Variants in STX3 observed in about 807,000 individuals in gnomAD.
STX3 encodes syntaxin 3, also known as syntaxin-3.
A neutral mutation model predicts 40.2 loss-of-function variants in STX3; 19 were observed. The observed-to-expected ratio is 0.47, with a 90% CI of 0.33 to 0.69. STX3 has a LOEUF of 0.69. Among genes scored for constraint, STX3 ranks in the 30% least tolerant of loss-of-function variants. The probability of loss-of-function intolerance (pLI) is 0.02; values close to 1 mark genes in which losing one functional copy is unlikely to be tolerated. For synonymous variants in STX3, 122 were observed against 132.2 expected (o/e 0.92, Z 0.53); for missense variants, 364 against 366.7 (o/e 0.99, Z 0.06).
At position 59,801,090 on chromosome 11, in the gene STX3, T is replaced by C. The variant is rs1044713568; in HGVS notation, c.*266T>C. The C allele has an allele frequency of 7.1e-7, 1 of 1,409,122 alleles. No individual in the cohort carries two copies. Among genetic ancestry groups the C allele is most frequent in the Non-Finnish European group, 9.2e-7 (1 of 1,083,294 alleles). 87.3% of individuals were successfully genotyped at this position (1,409,122 alleles called of 1,614,324 possible). ...CTCTCAAGTACCTTTTCTCCTGGAC[T>C]GTGTGGACCCACCCAGCTTTCTTCC... On this transcript the variant is annotated 3_prime_UTR_variant, in exon 11 of 11. Transcript: ENST00000337979.
At chr11:59,781,085 CTTT>C (rs67745750) in intron 2 of STX3, among the ~76,000 whole-genome samples, 5 of 116,056 alleles carry the variant, frequency 4.3e-5, no homozygotes, top group Admixed American at 1.8e-4. Flanking sequence ...CATTTGTTTT[CTTT>C]TTTTTTTTTT....
intron 1 of STX3, 33 bp downstream of exon 1, chr11:59,755,668 A>C: frequency 6.3e-7 from 1 of 1,588,884 alleles, no homozygotes; most frequent in Non-Finnish European, 8.5e-7. Context: ...TGCTGCCAGG[A>C]GGGGTGCTGC....
intron 1 of STX3, among the ~76,000 whole-genome samples, chr11:59,768,073 A>C (rs1417287174): frequency 6.6e-6 from 1 of 152,322 alleles, no homozygotes; most frequent in Non-Finnish European, 1.5e-5. Flanking sequence ...AAATATTATC[A>C]TATTGAATTC....
intron 1 of STX3, among the ~76,000 whole-genome samples, chr11:59,757,079 A>G (rs1255073464): frequency 1.3e-5 from 2 of 152,160 alleles, no homozygotes; most frequent in East Asian, 3.9e-4. Flanking sequence ...TAGTCATCTC[A>G]GCCTCACAGC....
At position 59,801,112 on chromosome 11, in the gene STX3, T is replaced by C. The variant is rs1269766268; in HGVS notation, c.*288T>C. 2.9e-6 allele frequency: 4 copies of C among 1,382,546 alleles called. No individual in the cohort carries two copies. Among genetic ancestry groups the C allele is most frequent in the Non-Finnish European group, 3.7e-6 (4 of 1,067,666 alleles). 85.6% of individuals were successfully genotyped at this position (1,382,546 alleles called of 1,614,324 possible). A position where few individuals can be genotyped will look rare whatever the true frequency, so the allele number is the denominator to read the frequency against. ...GACTGTGTGGACCCACCCAGCTTTC[T>C]TCCTCCCTGTTGTGTGTCAGATTAT... On this transcript the variant is annotated 3_prime_UTR_variant, in exon 11 of 11. Coordinates refer to ENST00000337979, the MANE Select transcript of STX3 (RefSeq NM_004177.5).
chr11:59,778,873 C>T (rs1274772114), intron 2 of STX3, among the ~76,000 whole-genome samples: 1 of 131,182 alleles, frequency 7.6e-6, no homozygotes, highest in Non-Finnish European at 1.6e-5. Context: ...TCGCTCTTGT[C>T]GCCCAGGCTG....
At chr11:59,785,407 C>T (rs780564228) in intron 2 of STX3, among the ~76,000 whole-genome samples, 11 of 152,172 alleles carry the variant, frequency 7.2e-5, no homozygotes, top group Non-Finnish European at 1.5e-4. Flanking sequence ...TCATGGCTCA[C>T]TGTGGCTTCA....
chr11:59,787,823 G>A (rs1051426892), intron 3 of STX3, among the ~76,000 whole-genome samples: 3 of 152,186 alleles, frequency 2.0e-5, no homozygotes, highest in Admixed American at 6.5e-5. Context: ...GTTTGGACAC[G>A]GGTGGTTTAG....
intron 1 of STX3, among the ~76,000 whole-genome samples, chr11:59,771,288 G>A (rs996173261): frequency 7.9e-6 from 1 of 126,760 alleles, no homozygotes; most frequent in Non-Finnish European, 1.6e-5. Flanking sequence ...TGAGGCAGGA[G>A]GATCACTTAG....
Position 59,803,100 on chromosome 11 carries a change from T to G in STX3, c.*2276T>G, listed in dbSNP as rs889090999. 5 of 1,228,392 alleles carry G rather than the reference T, an allele frequency of 4.1e-6. No individual in the cohort carries two copies. In the African/African-American group the frequency reaches 7.8e-5, roughly 19 times the overall value. 76.1% of individuals were successfully genotyped at this position (1,228,392 alleles called of 1,614,324 possible). ...GAAGCCAGATCCATCTCCTTTTTCC[T>G]TCTGTTGCTCTCTTCCTTCACACCC... On this transcript the variant is annotated 3_prime_UTR_variant, in exon 11 of 11. Transcript: ENST00000337979.
chr11:59,798,469 A>T (rs1865664165), intron 10 of STX3, among the ~76,000 whole-genome samples: 1 of 152,212 alleles, frequency 6.6e-6, no homozygotes, highest in African/African-American at 2.4e-5. Context: ...AGCTGGGATT[A>T]CAGGCGTGAG....
chr11:59,799,224 A>C (rs1399058515), intron 10 of STX3, among the ~76,000 whole-genome samples: 1 of 152,162 alleles, frequency 6.6e-6, no homozygotes, highest in Non-Finnish European at 1.5e-5. Flanking sequence ...AATAAAATAT[A>C]GCATGCATTG....
chr11:59,788,069 G>A (rs1414240352), intron 3 of STX3, among the ~76,000 whole-genome samples: 1 of 152,138 alleles, frequency 6.6e-6, no homozygotes, highest in East Asian at 1.9e-4. Flanking sequence ...GGCATTTCCT[G>A]TTCACTCATA....
At chr11:59,772,889 G>A (rs1019221116) in intron 1 of STX3, among the ~76,000 whole-genome samples, 9 of 151,578 alleles carry the variant, frequency 5.9e-5, no homozygotes, top group African/African-American at 2.2e-4. Flanking sequence ...GTTTTTATCA[G>A]CATTTAACAG....
intron 9 of STX3, 107 bp downstream of exon 9, chr11:59,795,589 C>A: frequency 1.3e-6 from 2 of 1,544,332 alleles, no homozygotes; most frequent in Non-Finnish European, 1.7e-6. Flanking sequence ...CCACCTCTTG[C>A]ATCTGGGGAA....
In STX3 at chr11:59,755,507, G is replaced by A. The variant is rs1332635793; in HGVS notation, c.-99G>A. 13 of 1,408,062 alleles carry A rather than the reference G, an allele frequency of 9.2e-6. No homozygotes were observed. In the Admixed American group the frequency reaches 2.0e-4, roughly 22 times the overall value. 87.2% of individuals were successfully genotyped at this position (1,408,062 alleles called of 1,614,324 possible). A position where few individuals can be genotyped will look rare whatever the true frequency, so the allele number is the denominator to read the frequency against. Reference sequence around the variant, plus strand: ...GCGCCTCCAGCTCCTTCGCCCCGGCGGGCCCGGCCGCCGCTTCCGGCAGCT... The same window carrying A: ...GCGCCTCCAGCTCCTTCGCCCCGGCAGGCCCGGCCGCCGCTTCCGGCAGCT... On this transcript the variant is annotated 5_prime_UTR_variant, in exon 1 of 11. Transcript: ENST00000337979.
At position 59,755,530 on chromosome 11, in the gene STX3, G is replaced by T; in HGVS notation, c.-76G>T. 2.7e-6 allele frequency: 4 copies of T among 1,506,000 alleles called. No homozygotes were observed. Among genetic ancestry groups the T allele is most frequent in the Admixed American group, 2.1e-5 (1 of 47,260 alleles). 93.3% of individuals were successfully genotyped at this position (1,506,000 alleles called of 1,614,324 possible). On this transcript the variant is annotated 5_prime_UTR_variant, in exon 1 of 11. Coordinates refer to ENST00000337979, the MANE Select transcript of STX3 (RefSeq NM_004177.5). ...GCGGGCCCGGCCGCCGCTTCCGGCA[G>T]CTCACCTGGGAAGCGCTCACCTGGG...
chr11:59,781,269 G>T, intron 2 of STX3: 1 of 1,447,320 alleles, frequency 6.9e-7, no homozygotes, highest in Non-Finnish European at 9.6e-7. Context: ...ACTGAGCTTG[G>T]TCATTCTCTT....
chr11:59,796,339 A>C (rs934397316), intron 9 of STX3, among the ~76,000 whole-genome samples: 2 of 152,152 alleles, frequency 1.3e-5, no homozygotes, highest in African/African-American at 4.8e-5. Flanking sequence ...AAGGACTTCT[A>C]GGCTTCTGTG....
Sources: gnomAD v4.1 joint callset for allele counts (sites outside exome capture counted in the v4.1 genomes callset) on GRCh38, gnomAD v4.1.1 for gene constraint, MANE v1.5 for transcripts, NCBI Gene and HGNC (gene_info 2026-07-23, HGNC 2026-07-21) for gene names.